PDGFRB: variants seen among roughly 807,000 people sequenced by gnomAD.
The protein encoded by PDGFRB is platelet-derived growth factor receptor beta.
PDGFRB carries 42 observed loss-of-function variants against 120.2 expected under a neutral mutation model. The ratio of observed to expected loss-of-function variants is 0.35; its 90% CI spans 0.27 to 0.45. PDGFRB has a LOEUF of 0.45. Among genes scored for constraint, PDGFRB ranks in the 20% least tolerant of loss-of-function variants. The pLI is 1.00. For synonymous variants in PDGFRB, 586 were observed against 606.8 expected (o/e 0.97, Z 0.50); for missense variants, 1,149 against 1,476.3 (o/e 0.78, Z 3.63).
intron 22 of PDGFRB, among the ~76,000 whole-genome samples, chr5:150,116,937 G>C (rs887524926): frequency 6.6e-6 from 1 of 152,196 alleles, no homozygotes; most frequent in African/African-American, 2.4e-5. Context: ...CCCCAGCCTG[G>C]GGCTCCAGCC....
At chr5:150,146,961 C>A (rs957215115) in intron 1 of PDGFRB, among the ~76,000 whole-genome samples, 1 of 152,138 alleles carries the variant, frequency 6.6e-6, no homozygotes, top group South Asian at 2.1e-4. Context: ...GGGATAGAAC[C>A]CAGGACTAGG....
intron 4 of PDGFRB, among the ~76,000 whole-genome samples, chr5:150,134,371 G>A (rs1760563084): frequency 6.6e-6 from 1 of 152,174 alleles, no homozygotes; most frequent in South Asian, 2.1e-4. Context: ...CTATGAGGTA[G>A]GCAGCCATTG....
rs1580805605 is a variant in PDGFRB at position 150,130,486 on chromosome 5, GC to G, written c.1367+52del. On this transcript the variant is annotated intron_variant, in intron 9 of 22. Coordinates refer to ENST00000261799, the MANE Select transcript of PDGFRB (RefSeq NM_002609.4). The stretch of plus-strand genomic sequence containing the variant: ...GGGCGGGACTAGATAACCTTCACGA[GC>G]TTTTTCTAGCCAGCTGGGGACACTG... The G allele has an allele frequency of 1.9e-6, 3 of 1,579,756 alleles. No individual in the cohort carries two copies. The East Asian group carries it at 6.7e-5, about 35-fold the overall frequency.
At chr5:150,143,473 A>T (rs1319421953) in intron 1 of PDGFRB, among the ~76,000 whole-genome samples, 1 of 151,854 alleles carries the variant, frequency 6.6e-6, no homozygotes, top group Non-Finnish European at 1.5e-5. Context: ...CTGGGGAGGG[A>T]CCCATGTCAT....
rs2113911195 is a variant in PDGFRB, at chr5:150,135,007, A to T, written c.374T>A (p.Val125Glu). The T allele has an allele frequency of 6.4e-7, 1 of 1,573,134 alleles. No homozygotes were observed. The highest frequency in any genetic ancestry group is 8.7e-7 in the Non-Finnish European group (1 of 1,146,726). The change falls in exon 4 of 23, where the codon GTG becomes GAG. Residue 125 changes from valine to glutamate, a missense_variant. By Grantham distance (121) the Val-to-Glu change is moderately radical (BLOSUM62 -2). Around this residue, in one of 3 missense-constraint regions of PDGFRB, gnomAD observed 879 missense variants for 1,108.6 expected, o/e 0.79. Transcript: ENST00000261799. ...CTCGGCATCATTAGGGAGGAAGCCC[A>T]CGGTGGGATCTGCCAGGAGTGGAGC... ...RLYIFVPDPT[V>E]GFLPNDAEEL...
chr5:150,137,874 A>G lies in PDGFRB; in HGVS notation c.-6-821T>C, dbSNP rs529576964. 1.7e-4 allele frequency among the ~76,000 whole-genome samples: 26 copies of G among 152,380 alleles called. 1 individual carries two copies. In the South Asian group the frequency reaches 5.4e-3, roughly 32 times the overall value. ...GACAGAGAGAAAGAGACCTGGAATG[A>G]TAGAAGTAGAAAGAGACAAAGACAC... On this transcript the variant is annotated intron_variant, in intron 1 of 22. Transcript: ENST00000261799.
chr5:150,114,795 A>G lies in PDGFRB; in HGVS notation c.*968T>C, dbSNP rs1449726302. 1.3e-5 allele frequency: 3 copies of G among 233,590 alleles called. No homozygotes were observed. Among genetic ancestry groups the G allele is most frequent in the African/African-American group, 4.4e-5 (2 of 45,328 alleles). The allele number at this position is 233,590 out of a possible 1,614,324, so 14.5% of individuals were successfully genotyped here. A position where few individuals can be genotyped will look rare whatever the true frequency, so the allele number is the denominator to read the frequency against. Reference sequence around the variant, plus strand: ...AGTGCTGGCAAGGCACTCAGAGTTAATAAGTCCGACTTATTCATTTTTTGA... The same window carrying G: ...AGTGCTGGCAAGGCACTCAGAGTTAGTAAGTCCGACTTATTCATTTTTTGA... On this transcript the variant is annotated 3_prime_UTR_variant, in exon 23 of 23. Transcript: ENST00000261799.
chr5:150,150,574 C>T (rs1190572995), intron 1 of PDGFRB, among the ~76,000 whole-genome samples: 2 of 144,202 alleles, frequency 1.4e-5, no homozygotes, highest in Non-Finnish European at 3.0e-5. Flanking sequence ...CTGCACCAGG[C>T]TGGGGGTGGG....
At chr5:150,125,707 G>T in intron 11 of PDGFRB, 130 bp from the exon 12 acceptor site, 1 of 800,662 alleles carries the variant, frequency 1.2e-6, no homozygotes, top group Non-Finnish European at 2.0e-6. Context: ...CATATTTGAA[G>T]TCACACAGCA....
At chr5:150,149,020 G>C (rs1761001534) in intron 1 of PDGFRB, among the ~76,000 whole-genome samples, 2 of 152,190 alleles carry the variant, frequency 1.3e-5, no homozygotes, top group South Asian at 4.1e-4. Context: ...AAGGAGGCAG[G>C]GAGACTTCAG....
chr5:150,124,290 G>A lies in PDGFRB; in HGVS notation c.1983C>T (p.His661=), dbSNP rs771405230. The change falls in exon 14 of 23, where the codon CAC becomes CAT. Residue 661 remains histidine, a synonymous_variant. Coordinates refer to ENST00000261799, the MANE Select transcript of PDGFRB (RefSeq NM_002609.4). ...ELKIMSHLGP[H]LNVVNLLGAC... is the part of the protein sequence containing the mutation. Reference sequence around the variant, plus strand: ...CCCCCAACAGGTTGACCACGTTCAGGTGGGGCCCAAGGTGACTCATGATCT... The same window carrying A: ...CCCCCAACAGGTTGACCACGTTCAGATGGGGCCCAAGGTGACTCATGATCT... 4 of 1,613,924 alleles carry A rather than the reference G, an allele frequency of 2.5e-6. No individual in the cohort carries two copies. The highest frequency in any genetic ancestry group is 1.3e-5 in the African/African-American group (1 of 74,942).
rs748398704 is a variant in PDGFRB at position 150,124,880 on chromosome 5, C to T, written c.1808-49G>A. 5.5e-5 allele frequency: 50 copies of T among 909,134 alleles called. 1 individual carries two copies. The highest frequency in any genetic ancestry group is 6.8e-4 in the Middle Eastern group (2 of 2,946). The allele number at this position is 909,134 out of a possible 1,614,324, so 56.3% of individuals were successfully genotyped here. A position where few individuals can be genotyped will look rare whatever the true frequency, so the allele number is the denominator to read the frequency against. On this transcript the variant is annotated intron_variant, in intron 12 of 22. Coordinates refer to ENST00000261799, the MANE Select transcript of PDGFRB (RefSeq NM_002609.4). ...CTCCTGGCCTACCAGGAAGCTGCAC[C>T]GCTCCCCCAGCTGCCCCCCTCCCCC...
chr5:150,148,185 G>A (rs956020845), intron 1 of PDGFRB, among the ~76,000 whole-genome samples: 1 of 152,206 alleles, frequency 6.6e-6, no homozygotes, highest in Non-Finnish European at 1.5e-5. Context: ...AATCACCACT[G>A]TCTGTCAATT....
chr5:150,151,973 C>G (rs192791951), intron 1 of PDGFRB, among the ~76,000 whole-genome samples: 1 of 151,770 alleles, frequency 6.6e-6, no homozygotes, highest in Non-Finnish European at 1.5e-5. Context: ...TGCCCTGTCG[C>G]TTAGGCTCAC....
chr5:150,127,561 T>C (rs1561999453), intron 10 of PDGFRB, among the ~76,000 whole-genome samples: 1 of 152,136 alleles, frequency 6.6e-6, no homozygotes. Context: ...GGAGGCTGGG[T>C]GCAGTGGCTC....
At position 150,122,864 on chromosome 5, in the gene PDGFRB, G is replaced by A. The variant is rs1488807174; in HGVS notation, c.2183+178C>T. Among the ~76,000 whole-genome samples, 4 of 152,232 alleles carry A rather than the reference G, an allele frequency of 2.6e-5. No homozygotes were observed. In the South Asian group the frequency reaches 6.2e-4, roughly 24 times the overall value. Reference sequence around the variant, plus strand: ...AGAGGGCTTAGCAGCACAGGGCCTGGCATTAGTGTTATTCCCTCATCTGGG... The same window carrying A: ...AGAGGGCTTAGCAGCACAGGGCCTGACATTAGTGTTATTCCCTCATCTGGG... On this transcript the variant is annotated intron_variant, in intron 15 of 22. Coordinates refer to ENST00000261799, the MANE Select transcript of PDGFRB (RefSeq NM_002609.4).
At chr5:150,117,532 G>GCA (rs1292601362) in intron 22 of PDGFRB, 86 bp downstream of exon 22, 12 of 618,854 alleles carry the variant, frequency 1.9e-5, no homozygotes, top group Admixed American at 1.2e-4. Context: ...CTGGCAGCGC[G>GCA]CGCGCGCGCG....
intron 1 of PDGFRB, among the ~76,000 whole-genome samples, chr5:150,142,960 G>A (rs562359422): frequency 2.6e-5 from 4 of 152,210 alleles, no homozygotes; most frequent in South Asian, 2.1e-4. Flanking sequence ...GTGAAGTAGC[G>A]TTAGGCTACT....
chr5:150,142,413 C>T (rs1760807995), intron 1 of PDGFRB, among the ~76,000 whole-genome samples: 2 of 152,230 alleles, frequency 1.3e-5, no homozygotes, highest in Admixed American at 6.5e-5. Context: ...CGAGCCCAGC[C>T]AGGCAGGGAT....
Sources: allele counts gnomAD v4.1 joint callset (sites outside exome capture counted in the v4.1 genomes callset), GRCh38; gene constraint gnomAD v4.1.1; regional missense constraint gnomAD v4.1.1; transcripts MANE v1.5; gene names NCBI Gene and HGNC (gene_info 2026-07-23, HGNC 2026-07-21).